The following DNAH10 variants were observed in gnomAD, a reference collection of about 807,000 sequenced individuals.
DNAH10 encodes the protein axonemal beta dynein heavy chain 10.
Under a neutral mutation model 506.6 loss-of-function variants are expected in DNAH10, and 348 were observed. The observed-to-expected ratio is 0.69, with a 90% CI of 0.63 to 0.75. The LOEUF is 0.75. DNAH10 is among the 30% of genes least tolerant of loss of function. The probability of loss-of-function intolerance (pLI) is 0.00; values close to 1 mark genes in which losing one functional copy is unlikely to be tolerated. For missense variants in DNAH10, 5,179 were observed against 5,787.1 expected (o/e 0.89, Z 3.41); for synonymous variants, 2,059 against 2,198.6 (o/e 0.94, Z 1.78).
chr12:123,933,296 C>A, intron 76 of DNAH10, 35 bp from the exon 77 acceptor site: 1 of 1,413,338 alleles, frequency 7.1e-7, no homozygotes, highest in Non-Finnish European at 9.3e-7. Context: ...GATGGCAGCC[C>A]CAGGCTCCCA....
At position 123,902,472 on chromosome 12, in the gene DNAH10, C is replaced by A. The variant is rs1368096453; in HGVS notation, c.9641-467C>A. Among the ~76,000 whole-genome samples, 1 of 152,084 alleles carries A rather than the reference C, an allele frequency of 6.6e-6. No homozygotes were observed. The highest frequency in any genetic ancestry group is 2.4e-5 in the African/African-American group (1 of 41,404). On this transcript the variant is annotated intron_variant, in intron 56 of 78. Transcript: ENST00000673944. The surrounding 1 kb of genome is among the most constrained non-coding windows in gnomAD (Gnocchi z 4.5). Reference sequence around the variant, plus strand: ...TCCGATTGCGATTGGTGTCATGAAGCAAGTCAGCAAGGAAGGGAGAGAGAG... The same window carrying A: ...TCCGATTGCGATTGGTGTCATGAAGAAAGTCAGCAAGGAAGGGAGAGAGAG...
chr12:123,852,216 T>C (rs997435940), intron 35 of DNAH10, among the ~76,000 whole-genome samples: 1 of 152,238 alleles, frequency 6.6e-6, no homozygotes, highest in Non-Finnish European at 1.5e-5. Flanking sequence ...ACGGGCTTCT[T>C]TCACTCAGCA....
intron 5 of DNAH10, among the ~76,000 whole-genome samples, chr12:123,780,515 A>G (rs193013447): frequency 2.0e-5 from 3 of 152,106 alleles, no homozygotes; most frequent in Admixed American, 6.5e-5. Flanking sequence ...ATACAGAAAT[A>G]ACAGCACTGT....
intron 41 of DNAH10, among the ~76,000 whole-genome samples, chr12:123,866,885 C>G (rs71458823): frequency 6.6e-6 from 1 of 152,204 alleles, no homozygotes; most frequent in Non-Finnish European, 1.5e-5. Context: ...TCAACCACAC[C>G]TAGGACGCTA....
chr12:123,864,143 C>CTTT lies in DNAH10; in HGVS notation c.6909-434_6909-432dup, dbSNP rs770676668. 1.4e-3 allele frequency among the ~76,000 whole-genome samples: 166 copies of CTTT among 117,144 alleles called. 2 individuals are homozygous for CTTT. Among genetic ancestry groups the CTTT allele is most frequent in the Non-Finnish European group, 1.9e-3 (109 of 58,670 alleles). The allele number at this position is 117,144 out of a possible 152,430, so 76.9% of individuals were successfully genotyped here. Reference sequence around the variant, plus strand: ...TGGCAAAGAACTCAAACTTTTTTTTCTTTTTTTTTTTTTTTTTTTTGAGAC... The same window carrying CTTT: ...TGGCAAAGAACTCAAACTTTTTTTTCTTTTTTTTTTTTTTTTTTTTTTTGAGAC... On this transcript the variant is annotated intron_variant, in intron 39 of 78. Transcript: ENST00000673944.
chr12:123,873,830 G>T, intron 46 of DNAH10, 120 bp downstream of exon 46: 1 of 1,337,034 alleles, frequency 7.5e-7, no homozygotes, highest in East Asian at 2.6e-5. Context: ...TGCAATGTCT[G>T]CAGGGTACAG....
At chr12:123,792,211 A>G (rs1958104022) in intron 11 of DNAH10, among the ~76,000 whole-genome samples, 2 of 152,116 alleles carry the variant, frequency 1.3e-5, no homozygotes, top group African/African-American at 4.8e-5. Flanking sequence ...TAACTACAAT[A>G]CCTTTCTTGG....
intron 17 of DNAH10, 129 bp downstream of exon 17, chr12:123,803,954 A>G (rs1958565400): frequency 3.7e-5 from 31 of 839,972 alleles, no homozygotes; most frequent in Non-Finnish European, 5.4e-5. Flanking sequence ...GCATCAAACC[A>G]TTTCTAATGC....
rs764003218 is a variant in DNAH10, at chr12:123,932,030, G to C, written c.13218G>C (p.Arg4406Ser). 6.2e-7 allele frequency: 1 copy of C among 1,614,004 alleles called. No individual in the cohort carries two copies. Among genetic ancestry groups the C allele is most frequent in the South Asian group, 1.1e-5 (1 of 91,082 alleles). Residue 4406 changes from arginine to serine, a missense_variant, in exon 76 of 79, where the codon AGG (arginine) becomes AGC (serine). Physicochemically the swap from Arg to Ser is moderately radical, Grantham distance 110. This residue lies in a region of DNAH10 where 4,844 missense variants were observed against 5,430.5 expected (regional missense o/e 0.89). Transcript: ENST00000673944. ...FIGHIPNIWRRLAPDTLKSLG... is the reference protein window; with the variant it reads ...FIGHIPNIWRSLAPDTLKSLG... ...GGCATATCCCTAATATCTGGAGAAG[G>C]CTTGCTCCTGACACCTTAAAGTCCC...
intron 45 of DNAH10, 38 bp from the exon 46 acceptor site, chr12:123,873,520 A>G: frequency 6.4e-7 from 1 of 1,570,638 alleles, no homozygotes; most frequent in South Asian, 1.2e-5. Flanking sequence ...TACCCTGGGG[A>G]AAAAGCTGGC....
At chr12:123,879,203 C>A (rs550383980) in intron 48 of DNAH10, 61 bp from the exon 49 acceptor site, 2 of 1,416,068 alleles carry the variant, frequency 1.4e-6, no homozygotes, top group Non-Finnish European at 1.9e-6. Context: ...ATGTCACAGC[C>A]GTCAGCCCTG....
chr12:123,884,660 C>T (rs1388255358), intron 51 of DNAH10, among the ~76,000 whole-genome samples: 2 of 152,192 alleles, frequency 1.3e-5, no homozygotes, highest in Non-Finnish European at 2.9e-5. Context: ...CCTCCAAATA[C>T]CATCACATTG....
At chr12:123,837,202 G>A (rs2136567958) in intron 28 of DNAH10, among the ~76,000 whole-genome samples, 1 of 149,914 alleles carries the variant, frequency 6.7e-6, no homozygotes, top group East Asian at 2.0e-4. Context: ...AAATTAGCCA[G>A]GCATGGTGGT....
Position 123,783,169 on chromosome 12 carries a change from G to C in DNAH10, c.904G>C (p.Asp302His). ...GGGAGAGGTGTCTGACCTGGCAGCT[G>C]ACCCGGAAACCGTTGACATCTTGGA... ...VEGEVSDLAA[D>H]PETVDILEQC... is the part of the protein sequence containing the mutation. The change falls in exon 7 of 79, where the codon GAC becomes CAC. Residue 302 changes from aspartate (D) to histidine (H), a missense_variant. This residue lies in a region of DNAH10 where 4,844 missense variants were observed against 5,430.5 expected (regional missense o/e 0.89). Coordinates refer to ENST00000673944, the MANE Select transcript of DNAH10 (RefSeq NM_001372106.1). The C allele has an allele frequency of 6.2e-7, 1 of 1,614,170 alleles. No homozygotes were observed. The highest frequency in any genetic ancestry group is 8.5e-7 in the Non-Finnish European group (1 of 1,180,008).
Position 123,909,438 on chromosome 12 carries a change from C to A in DNAH10, c.9993C>A (p.Ile3331=). ...TTACCCAGAGCCAAGTGAAAAACAT[C>A]AAAGGTGAGTGTAGCCACGTGTGGG... The part of the protein sequence containing the change: ...DSITQSQVKN[I]KGLLKTLNTT... The change falls in exon 58 of 79, where the codon ATC becomes ATA. Residue 3331 remains isoleucine, a synonymous_variant. Coordinates refer to ENST00000673944, the MANE Select transcript of DNAH10 (RefSeq NM_001372106.1). This position sits in a 1 kb window ranked among gnomAD's most constrained non-coding sequence, Gnocchi z 5.4. 6.3e-7 allele frequency: 1 copy of A among 1,587,610 alleles called. No homozygotes were observed. Among genetic ancestry groups the A allele is most frequent in the East Asian group, 2.3e-5 (1 of 44,312 alleles).
chr12:123,819,089 T>C (rs1959194198), intron 22 of DNAH10, 23 bp downstream of exon 22: 1 of 1,599,312 alleles, frequency 6.3e-7, no homozygotes, highest in Non-Finnish European at 8.5e-7. Context: ...TTTCACTTCC[T>C]GAGTAAAGAC....
In DNAH10 at chr12:123,833,325, C is replaced by A. The variant is rs1448560508; in HGVS notation, c.4757C>A (p.Ser1586Tyr). ...QTVHKWEKTLSLIGEVIEIWM... is the reference protein window; with the variant it reads ...QTVHKWEKTLYLIGEVIEIWM... The stretch of plus-strand genomic sequence containing the variant: ...GTTCACAAATGGGAAAAAACGCTTT[C>A]TCTAATAGGGGAAGTCATTGAGGTG... The change falls in exon 27 of 79, where the codon TCT becomes TAT. Residue 1586 changes from serine to tyrosine, a missense_variant. By Grantham distance (144) the Ser-to-Tyr change is moderately radical. This residue lies in a region of DNAH10 where 4,844 missense variants were observed against 5,430.5 expected (regional missense o/e 0.89). Transcript: ENST00000673944. 17 of 1,612,278 alleles carry A rather than the reference C, an allele frequency of 1.1e-5. No homozygotes were observed. Among genetic ancestry groups the A allele is most frequent in the Non-Finnish European group, 1.4e-5 (16 of 1,179,220 alleles).
chr12:123,779,480 T>G (rs1402677802), intron 5 of DNAH10, among the ~76,000 whole-genome samples: 1 of 152,166 alleles, frequency 6.6e-6, no homozygotes, highest in Non-Finnish European at 1.5e-5. Context: ...CCATATGAAA[T>G]GTACGGGATC....
At chr12:123,935,130 A>G in intron 78 of DNAH10, 1 of 631,614 alleles carries the variant, frequency 1.6e-6, no homozygotes, top group South Asian at 2.1e-5. Context: ...CTGGGCCAGG[A>G]CCCACTTTTA....
Sources: gnomAD v4.1 joint callset for allele counts (sites outside exome capture counted in the v4.1 genomes callset) on GRCh38, gnomAD v4.1.1 for gene constraint, gnomAD v4.1.1 regional missense constraint, Gnocchi (gnomAD v3.1) non-coding constraint, MANE v1.5 for transcripts, NCBI Gene and HGNC (gene_info 2026-07-23, HGNC 2026-07-21) for gene names.